SLC10A1: variants seen among roughly 807,000 people sequenced by gnomAD.
SLC10A1 encodes the protein solute carrier family 10 member 1, also known as hepatic sodium/bile acid cotransporter.
SLC10A1 carries 36 observed loss-of-function variants against 20.5 expected under a neutral mutation model. The ratio of observed to expected loss-of-function variants is 1.75; its 90% CI spans 1.34 to 2.32. The LOEUF (loss-of-function observed/expected upper bound fraction) is 2.32, where lower values mean the gene tolerates loss of function less well. Among genes scored for constraint, SLC10A1 ranks in the 30% most tolerant of loss-of-function variants. The pLI, the probability that SLC10A1 is intolerant of heterozygous loss-of-function variation, is 0.00. For synonymous variants in SLC10A1, 188 were observed against 163.6 expected, an observed-to-expected ratio of 1.15 and a Z score of -1.14; for missense variants, 545 against 439.1, an observed-to-expected ratio of 1.24 and a Z score of -2.16.
intron 1 of SLC10A1, among the ~76,000 whole-genome samples, chr14:69,787,909 A>T (rs78622641): frequency 0.033 from 4,965 of 151,990 alleles, 247 homozygotes; most frequent in African/African-American, 0.11. Flanking sequence ...CACACACAAA[A>T]ATTAGCCAGG....
At chr14:69,786,363 T>A in intron 1 of SLC10A1, 56 bp from the exon 2 acceptor site, 1 of 1,458,558 alleles carries the variant, frequency 6.9e-7, no homozygotes. Context: ...TACAGACTAT[T>A]TTGTTGAGTG....
At chr14:69,783,352 A>G (rs1317865290) in intron 2 of SLC10A1, among the ~76,000 whole-genome samples, 1 of 152,204 alleles carries the variant, frequency 6.6e-6, no homozygotes, top group Non-Finnish European at 1.5e-5. Flanking sequence ...GCAGTGTAAT[A>G]ATTGCTACAG....
intron 1 of SLC10A1, among the ~76,000 whole-genome samples, chr14:69,790,374 GA>G (rs1444113983): frequency 1.3e-5 from 2 of 151,992 alleles, no homozygotes; most frequent in Non-Finnish European, 2.9e-5. Context: ...GAAAGCTGGA[GA>G]ATGATATTAC....
chr14:69,793,706 T>C (rs1268259098), intron 1 of SLC10A1, among the ~76,000 whole-genome samples: 1 of 152,156 alleles, frequency 6.6e-6, no homozygotes, highest in East Asian at 1.9e-4. Context: ...CCCATGGCCA[T>C]TGGCTCTGGG....
intron 1 of SLC10A1, among the ~76,000 whole-genome samples, chr14:69,791,615 C>A (rs1883843022): frequency 6.6e-6 from 1 of 152,092 alleles, no homozygotes. Flanking sequence ...TTTTCAAGAA[C>A]AAAGTAGGGG....
chr14:69,776,231 C>T lies in SLC10A1; in HGVS notation c.*51G>A, dbSNP rs1221017763. 7.2e-7 allele frequency: 1 copy of T among 1,396,696 alleles called. No homozygotes were observed. The highest frequency in any genetic ancestry group is 1.0e-6 in the Non-Finnish European group (1 of 991,038). 86.5% of individuals were successfully genotyped at this position (1,396,696 alleles called of 1,614,324 possible). ...TTGCTGCTCTCTCTAGTTTACCACACTGGCTTTCAGAATTGCTTTGGGACC... is the reference window on the plus strand; with the variant it reads ...TTGCTGCTCTCTCTAGTTTACCACATTGGCTTTCAGAATTGCTTTGGGACC... On this transcript the variant is annotated 3_prime_UTR_variant, in exon 5 of 5. Transcript: ENST00000216540.
Position 69,796,837 on chromosome 14 carries a change from C to T in SLC10A1, c.319G>A (p.Val107Ile), listed in dbSNP as rs1882394204. The change falls in exon 1 of 5, where the codon GTC becomes ATC. Residue 107 changes from valine to isoleucine, a missense_variant. Val to Ile is a conservative substitution (Grantham distance 29, BLOSUM62 3). Transcript: ENST00000216540. ...GCSPGGNLSN[V>I]FSLAMKGDMN... ...TCCCCCTTCATGGCCAGACTGAAGACATTGGACAGGTTCCCTCCAGGTGAG... is the reference window on the plus strand; with the variant it reads ...TCCCCCTTCATGGCCAGACTGAAGATATTGGACAGGTTCCCTCCAGGTGAG... The T allele has an allele frequency of 6.2e-7, 1 of 1,614,172 alleles. No homozygotes were observed. The highest frequency in any genetic ancestry group is 8.5e-7 in the Non-Finnish European group (1 of 1,180,020).
intron 3 of SLC10A1, 98 bp downstream of exon 3, chr14:69,779,084 C>A: frequency 1.1e-6 from 1 of 887,952 alleles, no homozygotes; most frequent in Non-Finnish European, 1.6e-6. Context: ...TCAGTTAAAC[C>A]CTGGAGGTTG....
At position 69,779,322 on chromosome 14, in the gene SLC10A1, G is replaced by A; in HGVS notation, c.606C>T (p.Val202=). 6.2e-7 allele frequency: 1 copy of A among 1,614,064 alleles called. No homozygotes were observed. The highest frequency in any genetic ancestry group is 8.5e-7 in the Non-Finnish European group (1 of 1,179,996). Residue 202 remains valine (V), a synonymous_variant, in exon 3 of 5, where the codon GTC becomes GTT. Coordinates refer to ENST00000216540, the MANE Select transcript of SLC10A1 (RefSeq NM_003049.4). ...CCACATTGATGGCAGAGAGAACTGT[G>A]ACGGCCACACTGCACAAGAGAATGA... The part of the protein sequence containing the change: ...MIIILLCSVA[V]TVLSAINVGK...
rs73285208 is a variant in SLC10A1 at position 69,779,175 on chromosome 14, T to A, written c.746+7A>T. ...GACCCTTTCTTAAAAAAAAAAAAAATACCTACCGTCCATTGAGGCAGAAGA... is the reference window on the plus strand; with the variant it reads ...GACCCTTTCTTAAAAAAAAAAAAAAAACCTACCGTCCATTGAGGCAGAAGA... On this transcript the variant is annotated splice_region_variant and intron_variant, in intron 3 of 4. Coordinates refer to ENST00000216540, the MANE Select transcript of SLC10A1 (RefSeq NM_003049.4). 13,491 of 1,520,540 alleles carry A rather than the reference T, an allele frequency of 8.9e-3. 814 individuals carry two copies. In the African/African-American group the frequency reaches 0.17, roughly 19 times the overall value. 94.2% of individuals were successfully genotyped at this position (1,520,540 alleles called of 1,614,324 possible). A position where few individuals can be genotyped will look rare whatever the true frequency, so the allele number is the denominator to read the frequency against.
rs4646288 is a variant in SLC10A1, at chr14:69,792,833, C to CA, written c.356+3966dup. ...CTATTTTCTTTACATGCCTATTTCT[C>CA]AAAAAAAAAAAAAAAAAGCAAGCTG... On this transcript the variant is annotated intron_variant, in intron 1 of 4. Transcript: ENST00000216540. Among the ~76,000 whole-genome samples the CA allele has an allele frequency of 3.9e-3, 479 of 122,192 alleles. 3 individuals carry two copies. Among genetic ancestry groups the CA allele is most frequent in the African/African-American group, 0.013 (456 of 35,350 alleles). The allele number at this position is 122,192 out of a possible 152,430, so 80.2% of individuals were successfully genotyped here. A position where few individuals can be genotyped will look rare whatever the true frequency, so the allele number is the denominator to read the frequency against.
At chr14:69,786,045 T>A in intron 2 of SLC10A1, 52 bp downstream of exon 2, 1 of 1,235,340 alleles carries the variant, frequency 8.1e-7, no homozygotes, top group Non-Finnish European at 1.2e-6. Flanking sequence ...TATAGTTGTA[T>A]ATGGTGTTTT....
chr14:69,790,648 GGAAA>G (rs1883814328), intron 1 of SLC10A1, among the ~76,000 whole-genome samples: 2 of 151,906 alleles, frequency 1.3e-5, no homozygotes, highest in African/African-American at 2.4e-5. Flanking sequence ...TAACTTGAAA[GGAAA>G]TCTATTAGAA....
chr14:69,787,558 G>A (rs1282720518), intron 1 of SLC10A1, among the ~76,000 whole-genome samples: 3 of 152,166 alleles, frequency 2.0e-5, no homozygotes, highest in African/African-American at 7.2e-5. Flanking sequence ...TATGCATGAA[G>A]AGCAGCCTAT....
At chr14:69,794,743 G>GA (rs1882353056) in intron 1 of SLC10A1, among the ~76,000 whole-genome samples, 3 of 152,194 alleles carry the variant, frequency 2.0e-5, no homozygotes. Context: ...TTTTATGGCA[G>GA]AAGGTGGCTG....
intron 2 of SLC10A1, among the ~76,000 whole-genome samples, chr14:69,782,068 C>T (rs1244348769): frequency 6.6e-6 from 1 of 152,160 alleles, no homozygotes; most frequent in East Asian, 1.9e-4. Flanking sequence ...CCTCGAAGAG[C>T]CATAGAAGCA....
intron 1 of SLC10A1, among the ~76,000 whole-genome samples, chr14:69,789,609 A>G (rs1220162346): frequency 1.3e-5 from 2 of 152,292 alleles, no homozygotes; most frequent in African/African-American, 4.8e-5. Context: ...CTGAAATTAG[A>G]TAATGGTGAT....
In SLC10A1 at chr14:69,788,547, CTT is replaced by C. The variant is rs773705243; in HGVS notation, c.357-2242_357-2241del. ...ATATTCAGAATATATATGAAGAACT[CTT>C]TTTTTTTTTTTTTGAGATGGAGTCT... On this transcript the variant is annotated intron_variant, in intron 1 of 4. Coordinates refer to ENST00000216540, the MANE Select transcript of SLC10A1 (RefSeq NM_003049.4). Among the ~76,000 whole-genome samples the C allele has an allele frequency of 4.1e-3, 578 of 142,054 alleles. 4 individuals carry two copies. The highest frequency in any genetic ancestry group is 0.014 in the African/African-American group (549 of 39,210). 93.2% of individuals were successfully genotyped at this position (142,054 alleles called of 152,430 possible). A position where few individuals can be genotyped will look rare whatever the true frequency, so the allele number is the denominator to read the frequency against.
chr14:69,782,018 A>C (rs1297623284), intron 2 of SLC10A1, among the ~76,000 whole-genome samples: 4 of 152,170 alleles, frequency 2.6e-5, no homozygotes, highest in Non-Finnish European at 5.9e-5. Context: ...GGCACTCACT[A>C]TATTATTTAT....
Sources: gnomAD v4.1 joint callset for allele counts (sites outside exome capture counted in the v4.1 genomes callset) on GRCh38, gnomAD v4.1.1 for gene constraint, MANE v1.5 for transcripts, NCBI Gene and HGNC (gene_info 2026-07-23, HGNC 2026-07-21) for gene names.